Variants in GLT8D2 observed in about 807,000 individuals in gnomAD.
GLT8D2 encodes glycosyltransferase 8 domain-containing protein 2.
GLT8D2 carries 45 observed loss-of-function variants against 44.5 expected under a neutral mutation model. That is an observed-to-expected ratio of 1.01 (90% CI 0.80 to 1.30). The LOEUF (loss-of-function observed/expected upper bound fraction) is 1.30, where lower values mean the gene tolerates loss of function less well. Ranked by LOEUF, GLT8D2 falls within the 50% of genes most tolerant of loss-of-function variation. GLT8D2 has a pLI of 0.00. For missense variants in GLT8D2, 400 were observed against 430.4 expected (o/e 0.93, Z 0.62); for synonymous variants, 156 against 157.2 (o/e 0.99, Z 0.06).
chr12:104,015,847 A>G (rs1474442219), intron 3 of GLT8D2, among the ~76,000 whole-genome samples: 1 of 151,932 alleles, frequency 6.6e-6, no homozygotes, highest in African/African-American at 2.4e-5. Flanking sequence ...ACTAAATTAT[A>G]CAAAAATTAG....
upstream of GLT8D2, among the ~76,000 whole-genome samples, chr12:104,053,527 T>C (rs1881895942): frequency 1.3e-5 from 2 of 152,222 alleles, no homozygotes; most frequent in Non-Finnish European, 2.9e-5. Flanking sequence ...AAAGACATCA[T>C]GCATGTAAGG....
At chr12:104,017,685 T>C (rs1475969797) in intron 3 of GLT8D2, among the ~76,000 whole-genome samples, 1 of 152,134 alleles carries the variant, frequency 6.6e-6, no homozygotes, top group East Asian at 1.9e-4. Context: ...ATTGAGAAGA[T>C]GGCATGTTGG....
rs1876366489 is a variant in GLT8D2, at chr12:104,014,999, C to A, written c.112+14G>T. ...CCTGGGTATCCCAACTCAATGAATTCCATGTCTGCTCACCTGCGTCATTCT... is the reference window on the plus strand; with the variant it reads ...CCTGGGTATCCCAACTCAATGAATTACATGTCTGCTCACCTGCGTCATTCT... On this transcript the variant is annotated intron_variant, in intron 4 of 10. Transcript: ENST00000360814. 1 of 1,581,126 alleles carries A rather than the reference C, an allele frequency of 6.3e-7. No individual in the cohort carries two copies. The highest frequency in any genetic ancestry group is 1.7e-5 in the Admixed American group (1 of 59,860).
Position 103,991,823 on chromosome 12 carries a change from TAAAAAA to T in GLT8D2, c.880+1563_880+1568del, listed in dbSNP as rs11340919. Among the ~76,000 whole-genome samples, 34 of 123,172 alleles carry T rather than the reference TAAAAAA, an allele frequency of 2.8e-4. 1 individual carries two copies. Among genetic ancestry groups the T allele is most frequent in the Admixed American group, 2.2e-3 (25 of 11,422 alleles). The allele number at this position is 123,172 out of a possible 152,430, so 80.8% of individuals were successfully genotyped here. On this transcript the variant is annotated intron_variant, in intron 10 of 10. Transcript: ENST00000360814. ...ACTCAGCCTCCACAATTACGTCCTT[TAAAAAA>T]AAAAAAAAAAAAAAAAGATTATGGG...
intron 1 of GLT8D2, among the ~76,000 whole-genome samples, chr12:104,041,402 A>T (rs1469168168): frequency 7.2e-5 from 11 of 152,162 alleles, no homozygotes; most frequent in Non-Finnish European, 1.0e-4. Context: ...CGACAGAAAG[A>T]GACTCTGTCT....
At position 103,996,914 on chromosome 12, in the gene GLT8D2, A is replaced by G. The variant is rs1373818476; in HGVS notation, c.488-67T>C. 7.0e-6 allele frequency: 7 copies of G among 997,158 alleles called. No homozygotes were observed. In the African/African-American group the frequency reaches 9.7e-5, roughly 14 times the overall value. The allele number at this position is 997,158 out of a possible 1,614,324, so 61.8% of individuals were successfully genotyped here. A position where few individuals can be genotyped will look rare whatever the true frequency, so the allele number is the denominator to read the frequency against. On this transcript the variant is annotated intron_variant, in intron 7 of 10. Coordinates refer to ENST00000360814, the MANE Select transcript of GLT8D2 (RefSeq NM_001384711.1). Reference sequence around the variant, plus strand: ...GTTTTTGGGCTAGATAGAGCCTTAGAGCTTAAACAGCTCTTGATTTTGCTA... The same window carrying G: ...GTTTTTGGGCTAGATAGAGCCTTAGGGCTTAAACAGCTCTTGATTTTGCTA...
At chr12:104,058,310 G>C (rs2136549831) in intron 1 of GLT8D2, among the ~76,000 whole-genome samples, 2 of 152,288 alleles carry the variant, frequency 1.3e-5, no homozygotes, top group South Asian at 4.1e-4. Flanking sequence ...CAGATTGTGG[G>C]GAGGGGATTA....
At position 103,993,458 on chromosome 12, in the gene GLT8D2, G is replaced by A. The variant is rs776753795; in HGVS notation, c.814C>T (p.Pro272Ser). ...SSLGGGVATS[P>S]MLIVFHGKYS... Reference sequence around the variant, plus strand: ...TTCCCATGAAACACAATCAGCATTGGGGAGGTGGCCACCCCTCCTCCCAGG... The same window carrying A: ...TTCCCATGAAACACAATCAGCATTGAGGAGGTGGCCACCCCTCCTCCCAGG... The change falls in exon 10 of 11, where the codon CCA (proline) becomes TCA (serine). Residue 272 changes from proline to serine, a missense_variant. Coordinates refer to ENST00000360814, the MANE Select transcript of GLT8D2 (RefSeq NM_001384711.1). 13 of 1,613,074 alleles carry A rather than the reference G, an allele frequency of 8.1e-6. No homozygotes were observed. The highest frequency in any genetic ancestry group is 7.7e-5 in the South Asian group (7 of 90,938).
intron 3 of GLT8D2, among the ~76,000 whole-genome samples, chr12:104,016,698 A>T (rs1876668392): frequency 7.7e-6 from 1 of 130,224 alleles, no homozygotes; most frequent in Non-Finnish European, 1.7e-5. Flanking sequence ...AAAGAAAGAA[A>T]GAAAGGGAGA....
intron 9 of GLT8D2, chr12:103,993,912 T>C (rs1399195180): frequency 2.4e-5 from 4 of 165,094 alleles, no homozygotes; most frequent in African/African-American, 7.2e-5. Context: ...GACTTATTTT[T>C]ATCTTCTCTA....
At chr12:104,052,921 C>T (rs1358871972), upstream of GLT8D2, among the ~76,000 whole-genome samples, 1 of 152,080 alleles carries the variant, frequency 6.6e-6, no homozygotes, top group Admixed American at 6.6e-5. Flanking sequence ...AGCACAATTC[C>T]ATTCAAACAT....
chr12:104,007,233 G>GCTCT (rs57109528), intron 4 of GLT8D2, among the ~76,000 whole-genome samples: 6,937 of 66,002 alleles, frequency 0.11, 694 homozygotes, highest in East Asian at 0.36. Context: ...TATACTTAAA[G>GCTCT]CTCTCTCTCT....
chr12:104,040,472 C>T (rs1478015810), intron 1 of GLT8D2, among the ~76,000 whole-genome samples: 2 of 152,092 alleles, frequency 1.3e-5, no homozygotes, highest in African/African-American at 2.4e-5. Flanking sequence ...GTCGCCCAGG[C>T]TGGAGTGCAG....
chr12:104,012,931 T>G, intron 4 of GLT8D2: 1 of 612,956 alleles, frequency 1.6e-6, no homozygotes. Flanking sequence ...GCCATCTGCA[T>G]GCCAAGGAGA....
At chr12:104,042,294 G>GC (rs1433851644) in intron 1 of GLT8D2, among the ~76,000 whole-genome samples, 1 of 152,146 alleles carries the variant, frequency 6.6e-6, no homozygotes, top group Middle Eastern at 3.2e-3. Context: ...GGCCATAATG[G>GC]CTGGAGCTAG....
chr12:103,994,586 G>A, intron 8 of GLT8D2, 85 bp from the exon 9 acceptor site: 3 of 1,250,690 alleles, frequency 2.4e-6, no homozygotes, highest in Non-Finnish European at 3.3e-6. Context: ...CCCTTGTGCA[G>A]TATCTTTGGG....
intron 7 of GLT8D2, among the ~76,000 whole-genome samples, chr12:103,997,101 C>T (rs1873532644): frequency 2.0e-5 from 3 of 152,324 alleles, no homozygotes; most frequent in South Asian, 4.1e-4. Context: ...AATGCGTATC[C>T]TGTTTGTAGT....
At chr12:104,010,662 G>A (rs572268365) in intron 4 of GLT8D2, among the ~76,000 whole-genome samples, 5 of 152,284 alleles carry the variant, frequency 3.3e-5, no homozygotes, top group African/African-American at 1.2e-4. Flanking sequence ...CTGAATAGAT[G>A]GGTGAATATT....
intron 1 of GLT8D2, among the ~76,000 whole-genome samples, chr12:104,034,542 C>T (rs904834099): frequency 1.3e-5 from 2 of 152,240 alleles, no homozygotes; most frequent in African/African-American, 2.4e-5. Context: ...TCACTGCTAG[C>T]GCAGCAGTCT....
Sources: allele counts gnomAD v4.1 joint callset (sites outside exome capture counted in the v4.1 genomes callset), GRCh38; gene constraint gnomAD v4.1.1; transcripts MANE v1.5; gene names NCBI Gene and HGNC (gene_info 2026-07-23, HGNC 2026-07-21).